Variants in SAMSN1 observed in about 807,000 individuals in gnomAD.
SAMSN1 encodes SAM domain, SH3 domain and nuclear localization signals 1.
Under a neutral mutation model 42.0 loss-of-function variants are expected in SAMSN1, and 31 were observed. The observed-to-expected ratio is 0.74, with a 90% confidence interval of 0.55 to 1.00. SAMSN1 has a LOEUF of 1.00. Among genes scored for constraint, SAMSN1 ranks in the 50% least tolerant of loss-of-function variants. The pLI, the probability that SAMSN1 is intolerant of heterozygous loss-of-function variation, is 0.00. For synonymous variants in SAMSN1, 178 were observed against 151.9 expected, an observed-to-expected ratio of 1.17 and a Z score of -1.26; for missense variants, 464 against 439.4, an observed-to-expected ratio of 1.06 and a Z score of -0.50.
chr21:14,632,863 G>T (rs1983367289), intron 2 of SAMSN1, among the ~76,000 whole-genome samples: 1 of 152,150 alleles, frequency 6.6e-6, no homozygotes, highest in Non-Finnish European at 1.5e-5. Flanking sequence ...TTACTTTATT[G>T]TTGGCTATAG....
chr21:14,656,457 T>C (rs1009258426), intron 1 of SAMSN1, among the ~76,000 whole-genome samples: 5 of 151,794 alleles, frequency 3.3e-5, no homozygotes, highest in Admixed American at 6.6e-5. Context: ...ATTTGTAACC[T>C]CATGGGTTAC....
chr21:14,514,769 A>C (rs1029138803), intron 3 of SAMSN1, among the ~76,000 whole-genome samples: 1 of 152,180 alleles, frequency 6.6e-6, no homozygotes, highest in Non-Finnish European at 1.5e-5. Context: ...AAAAGTGTAG[A>C]GAATAAATAT....
In SAMSN1 at chr21:14,630,282, A is replaced by G. The variant is rs561059352; in HGVS notation, c.156+12720T>C. On this transcript the variant is annotated intron_variant, in intron 2 of 15. Transcript: ENST00000647101. ...CTTTAAAATCCCTTTCTGTAGAAAC[A>G]ATCCATGCTTCCTGATCTATAGTAG... is the stretch of plus-strand genomic sequence containing the variant. 5.3e-5 allele frequency among the ~76,000 whole-genome samples: 8 copies of G among 152,282 alleles called. No individual in the cohort carries two copies. The South Asian group carries it at 1.7e-3, about 32-fold the overall frequency.
At chr21:14,515,956 G>A (rs1987894606) in intron 3 of SAMSN1, among the ~76,000 whole-genome samples, 1 of 152,146 alleles carries the variant, frequency 6.6e-6, no homozygotes, top group Admixed American at 6.6e-5. Flanking sequence ...AAATCACAAT[G>A]AGATTCCACC....
At chr21:14,597,135 C>T (rs1982291132) in intron 6 of SAMSN1, among the ~76,000 whole-genome samples, 1 of 151,704 alleles carries the variant, frequency 6.6e-6, no homozygotes, top group South Asian at 2.1e-4. Flanking sequence ...GTTTGTTTTC[C>T]CCCTTTTAGA....
chr21:14,617,934 G>C (rs1019864161), intron 2 of SAMSN1, among the ~76,000 whole-genome samples: 1 of 152,180 alleles, frequency 6.6e-6, no homozygotes, highest in Non-Finnish European at 1.5e-5. Flanking sequence ...AATACAATTA[G>C]GTATGGGACC....
chr21:14,587,881 T>A (rs909461008), upstream of SAMSN1, among the ~76,000 whole-genome samples: 1 of 144,174 alleles, frequency 6.9e-6, no homozygotes, highest in Non-Finnish European at 1.5e-5. Flanking sequence ...TATCTCCCAA[T>A]GCTATCCCTC....
intron 1 of SAMSN1, among the ~76,000 whole-genome samples, chr21:14,656,816 C>A (rs1983924108): frequency 6.6e-6 from 1 of 151,812 alleles, no homozygotes; most frequent in South Asian, 2.1e-4. Context: ...ATGTTTAACT[C>A]TTTCATTCTT....
chr21:14,627,355 C>T (rs1358282389), intron 2 of SAMSN1, among the ~76,000 whole-genome samples: 1 of 152,086 alleles, frequency 6.6e-6, no homozygotes, highest in Non-Finnish European at 1.5e-5. Context: ...GCATATACCC[C>T]AATAAAAGTC....
chr21:14,608,418 A>G (rs573554209), intron 5 of SAMSN1, among the ~76,000 whole-genome samples: 1 of 152,270 alleles, frequency 6.6e-6, no homozygotes, highest in South Asian at 2.1e-4. Flanking sequence ...GAGCATATAG[A>G]CTTGCCCCCA....
intron 7 of SAMSN1, among the ~76,000 whole-genome samples, chr21:14,494,028 T>G (rs1315660269): frequency 6.6e-6 from 1 of 152,108 alleles, no homozygotes; most frequent in African/African-American, 2.4e-5. Context: ...TCACACCAGT[T>G]AGAATCAGGA....
At chr21:14,493,046 C>A (rs181446969) in intron 7 of SAMSN1, among the ~76,000 whole-genome samples, 36 of 152,332 alleles carry the variant, frequency 2.4e-4, no homozygotes, top group African/African-American at 8.4e-4. Context: ...AAATACAAAT[C>A]TCCCCTGCTG....
chr21:14,495,139 T>A (rs1434366884), intron 7 of SAMSN1, among the ~76,000 whole-genome samples: 1 of 152,258 alleles, frequency 6.6e-6, no homozygotes, highest in African/African-American at 2.4e-5. Flanking sequence ...AGGCAAACTA[T>A]TTTTAACGTT....
chr21:14,618,562 G>A (rs570729466), intron 2 of SAMSN1, among the ~76,000 whole-genome samples: 15 of 152,096 alleles, frequency 9.9e-5, no homozygotes, highest in Non-Finnish European at 2.1e-4. Flanking sequence ...AGACTGTCAC[G>A]TATATTGGAG....
At chr21:14,611,120 A>G (rs139752512) in intron 4 of SAMSN1, among the ~76,000 whole-genome samples, 21 of 151,466 alleles carry the variant, frequency 1.4e-4, no homozygotes, top group African/African-American at 5.1e-4. Context: ...AGACAGGGTC[A>G]TAGTCAATTG....
chr21:14,618,650 CTGTGTATGTGTGTG>C (rs1472857811), intron 2 of SAMSN1, among the ~76,000 whole-genome samples: 21 of 107,750 alleles, frequency 1.9e-4, no homozygotes, highest in African/African-American at 7.3e-4. Context: ...AGAACCACAG[CTGTGTATGTGTGTG>C]TGTGTGTGTG....
At chr21:14,577,255 T>A (rs1457205404) in intron 2 of SAMSN1, among the ~76,000 whole-genome samples, 39 of 39,994 alleles carry the variant, frequency 9.8e-4, no homozygotes, top group Non-Finnish European at 1.3e-3. Flanking sequence ...TATATATATA[T>A]ATATATATAT....
chr21:14,554,578 T>C (rs955870529), intron 2 of SAMSN1, among the ~76,000 whole-genome samples: 1 of 152,112 alleles, frequency 6.6e-6, no homozygotes, highest in African/African-American at 2.4e-5. Flanking sequence ...TGTCTGGAGA[T>C]TGTGCTCTCT....
At chr21:14,525,037 C>T (rs1978751880) in intron 1 of SAMSN1, among the ~76,000 whole-genome samples, 1 of 152,072 alleles carries the variant, frequency 6.6e-6, no homozygotes. Context: ...CTAAATAGTT[C>T]ATCAACTAAA....
Sources: allele counts gnomAD v4.1 joint callset (sites outside exome capture counted in the v4.1 genomes callset), GRCh38; gene constraint gnomAD v4.1.1; transcripts MANE v1.5; gene names NCBI Gene and HGNC (gene_info 2026-07-23, HGNC 2026-07-21).